Variants in ANK1 observed in about 807,000 individuals in gnomAD.
ANK1 encodes the protein ankyrin 1, also known as ankyrin-1.
Under a neutral mutation model 210.4 loss-of-function variants are expected in ANK1, and 51 were observed. That is an observed-to-expected ratio of 0.24 (90% CI 0.19 to 0.31). The LOEUF is 0.31. ANK1 is among the 10% of genes least tolerant of loss of function. ANK1 has a pLI of 1.00. For missense variants in ANK1, 2,051 were observed against 2,504.4 expected (o/e 0.82, Z 3.86); for synonymous variants, 967 against 1,025.9 (o/e 0.94, Z 1.10).
At chr8:41,792,455 G>A (rs76313699) in intron 1 of ANK1, among the ~76,000 whole-genome samples, 1 of 152,226 alleles carries the variant, frequency 6.6e-6, no homozygotes, top group South Asian at 2.1e-4. Flanking sequence ...CTGGGCAAGC[G>A]AAGGAGAAGC....
chr8:41,821,184 T>C lies in ANK1; in HGVS notation c.127-63047A>G, dbSNP rs545756349. ...TAAGGTCATATTTTAGGGTGCTATG[T>C]CCTGAGCCCCATCAGTCTACAAAAT... On this transcript the variant is annotated intron_variant, in intron 1 of 42. Transcript: ENST00000265709. 5.3e-5 allele frequency among the ~76,000 whole-genome samples: 8 copies of C among 152,324 alleles called. No individual in the cohort carries two copies. The South Asian group carries it at 1.2e-3, about 24-fold the overall frequency.
rs79562351 is a variant in ANK1, at chr8:41,750,072, G to A, written c.129+7964C>T. On this transcript the variant is annotated intron_variant, in intron 2 of 42. Transcript: ENST00000289734. The stretch of plus-strand genomic sequence containing the variant: ...TAAGATTCTATAGCTTGGAAAGGTC[G>A]TAATTATCACCATCACCAGAGCACA... Among the ~76,000 whole-genome samples, 679 of 152,332 alleles carry A rather than the reference G, an allele frequency of 4.5e-3. 5 individuals carry two copies. Among genetic ancestry groups the A allele is most frequent in the African/African-American group, 0.016 (653 of 41,580 alleles).
intron 22 of ANK1, among the ~76,000 whole-genome samples, chr8:41,700,969 A>G (rs187961643): frequency 7.9e-5 from 12 of 152,138 alleles, no homozygotes; most frequent in Admixed American, 7.2e-4. Context: ...GGGTCTCCCT[A>G]TATTGCCCAG....
intron 31 of ANK1, among the ~76,000 whole-genome samples, chr8:41,692,001 T>C (rs1343635311): frequency 1.3e-5 from 2 of 152,164 alleles, no homozygotes; most frequent in Non-Finnish European, 2.9e-5. Flanking sequence ...CCAGCACTTT[T>C]ATTTGTTTGT....
At chr8:41,690,667 T>A in intron 31 of ANK1, 68 bp from the exon 32 acceptor site, 1 of 1,575,610 alleles carries the variant, frequency 6.3e-7, no homozygotes, top group Non-Finnish European at 8.6e-7. Context: ...TCCTTCCACC[T>A]TCGGTCCTTC....
chr8:41,730,683 G>T (rs1011290785), intron 3 of ANK1, among the ~76,000 whole-genome samples: 6 of 152,208 alleles, frequency 3.9e-5, no homozygotes, highest in Non-Finnish European at 7.3e-5. Context: ...CCATTGAGAG[G>T]CTTGGCACCT....
intron 1 of ANK1, among the ~76,000 whole-genome samples, chr8:41,872,171 TCTC>T (rs1462034899): frequency 6.6e-6 from 1 of 152,168 alleles, no homozygotes; most frequent in Non-Finnish European, 1.5e-5. Flanking sequence ...CAAGATGACT[TCTC>T]ATCTTGTGCA....
chr8:41,682,995 G>A (rs969116931), intron 37 of ANK1, among the ~76,000 whole-genome samples: 5 of 151,862 alleles, frequency 3.3e-5, no homozygotes, highest in South Asian at 2.1e-4. Context: ...GGAGTGGGCC[G>A]GGCACACGCA....
At chr8:41,695,371 C>A in intron 26 of ANK1, 40 bp from the exon 27 acceptor site, 1 of 1,612,892 alleles carries the variant, frequency 6.2e-7, no homozygotes, top group Non-Finnish European at 8.5e-7. Context: ...GGTGCTCATA[C>A]AAGGCAGGCA....
At chr8:41,722,773 T>C (rs1829585547) in intron 9 of ANK1, among the ~76,000 whole-genome samples, 1 of 152,196 alleles carries the variant, frequency 6.6e-6, no homozygotes, top group African/African-American at 2.4e-5. Context: ...CTGCCACCAG[T>C]GTTTGTCAAT....
rs541269643 is a variant in ANK1, at chr8:41,717,708, A to G, written c.1207-6T>C. ...TGGAGAGGTGTCAGGCCAGACTGAA[A>G]CAGACAAAGGCAGAGTCCGATAAGT... is the stretch of plus-strand genomic sequence containing the variant. On this transcript the variant is annotated splice_polypyrimidine_tract_variant and splice_region_variant and intron_variant, in intron 11 of 42. Coordinates refer to ENST00000289734, the MANE Select transcript of ANK1 (RefSeq NM_000037.4). The G allele has an allele frequency of 2.8e-5, 44 of 1,550,558 alleles. No individual in the cohort carries two copies. Among genetic ancestry groups the G allele is most frequent in the Admixed American group, 3.9e-5 (2 of 51,018 alleles).
chr8:41,850,488 T>C (rs375053656), intron 1 of ANK1, among the ~76,000 whole-genome samples: 1 of 152,180 alleles, frequency 6.6e-6, no homozygotes. Context: ...TATGAATTTA[T>C]TTACCTTTTA....
chr8:41,705,610 C>T (rs1039069427), intron 18 of ANK1, among the ~76,000 whole-genome samples: 1 of 152,180 alleles, frequency 6.6e-6, no homozygotes, highest in African/African-American at 2.4e-5. Context: ...CCTCCTCGCA[C>T]CAACTGAAAA....
chr8:41,890,725 A>G (rs971687794), intron 1 of ANK1, among the ~76,000 whole-genome samples: 3 of 151,044 alleles, frequency 2.0e-5, no homozygotes, highest in Non-Finnish European at 3.0e-5. Flanking sequence ...AAAAAAAAAA[A>G]GAAAAAAGAA....
intron 1 of ANK1, among the ~76,000 whole-genome samples, chr8:41,854,451 C>T (rs1247540762): frequency 6.6e-6 from 1 of 152,178 alleles, no homozygotes; most frequent in Non-Finnish European, 1.5e-5. Flanking sequence ...AAAGGATGAA[C>T]GGCAAGCACA....
chr8:41,771,242 T>A (rs1208069955), intron 1 of ANK1, among the ~76,000 whole-genome samples: 1 of 152,166 alleles, frequency 6.6e-6, no homozygotes, highest in Non-Finnish European at 1.5e-5. Flanking sequence ...CAGGAGATCC[T>A]TCAGGATGGC....
chr8:41,795,267 C>T (rs1370023883), intron 1 of ANK1, among the ~76,000 whole-genome samples: 2 of 152,016 alleles, frequency 1.3e-5, no homozygotes, highest in Non-Finnish European at 2.9e-5. Flanking sequence ...AATGCCGGCA[C>T]TTTGGGAGGC....
chr8:41,794,448 A>G (rs1367607896), intron 1 of ANK1, among the ~76,000 whole-genome samples: 1 of 152,082 alleles, frequency 6.6e-6, no homozygotes, highest in African/African-American at 2.4e-5. Flanking sequence ...ACCCTATTTC[A>G]GTTGCAGAAC....
At chr8:41,769,349 G>A (rs78375973) in intron 1 of ANK1, among the ~76,000 whole-genome samples, 4,021 of 152,218 alleles carry the variant, frequency 0.026, 84 homozygotes, top group Non-Finnish European at 0.041. Flanking sequence ...CAGGTCTCTC[G>A]CCTTGTACCT....
Sources: allele counts gnomAD v4.1 joint callset (sites outside exome capture counted in the v4.1 genomes callset), GRCh38; gene constraint gnomAD v4.1.1; transcripts MANE v1.5; gene names NCBI Gene and HGNC (gene_info 2026-07-23, HGNC 2026-07-21).